The following COPE variants were observed in gnomAD, a reference collection of about 807,000 sequenced individuals.
The protein encoded by COPE is coat protein complex I subunit epsilon, also known as coatomer subunit epsilon.
A neutral mutation model predicts 42.1 loss-of-function variants in COPE; 19 were observed. That is an observed-to-expected ratio of 0.45 (90% CI 0.31 to 0.66). The LOEUF (loss-of-function observed/expected upper bound fraction) is 0.66, where lower values mean the gene tolerates loss of function less well. COPE is among the 30% of genes least tolerant of loss of function. The pLI, the probability that COPE is intolerant of heterozygous loss-of-function variation, is 0.05. For synonymous variants in COPE, 195 were observed against 181.3 expected (o/e 1.08, Z -0.60); for missense variants, 402 against 416.1 (o/e 0.97, Z 0.30).
At chr19:18,911,207 C>A in intron 2 of COPE, 136 bp from the exon 3 acceptor site, 1 of 709,906 alleles carries the variant, frequency 1.4e-6, no homozygotes, top group South Asian at 1.6e-5. Flanking sequence ...GCCACCTCCA[C>A]TGCAGTACAC....
At chr19:18,902,646 CAG>C (rs2146099477) in intron 7 of COPE, among the ~76,000 whole-genome samples, 1 of 106,808 alleles carries the variant, frequency 9.4e-6, no homozygotes, top group African/African-American at 4.1e-5. Flanking sequence ...GCCTGGGTGA[CAG>C]AGTGAGACTC....
intron 1 of COPE, among the ~76,000 whole-genome samples, chr19:18,918,361 C>T (rs2056877615): frequency 6.6e-6 from 1 of 152,286 alleles, no homozygotes; most frequent in Non-Finnish European, 1.5e-5. Context: ...AAGAGTGTTA[C>T]TCTGACCCAA....
At position 18,906,952 on chromosome 19, in the gene COPE, C is replaced by A. The variant is rs753999843; in HGVS notation, c.443+8G>T. On this transcript the variant is annotated splice_region_variant and intron_variant, in intron 4 of 9. Coordinates refer to ENST00000262812, the MANE Select transcript of COPE (RefSeq NM_007263.4). ...CTGGGCTGGCCCCAGAGCAGGGAGG[C>A]CACTCACCACTCCAGGCTGTCCCCC... The A allele has an allele frequency of 1.0e-5, 16 of 1,552,096 alleles. No individual in the cohort carries two copies. The highest frequency in any genetic ancestry group is 1.4e-5 in the Non-Finnish European group (16 of 1,148,298).
intron 1 of COPE, among the ~76,000 whole-genome samples, chr19:18,916,977 T>G (rs2056859248): frequency 6.7e-6 from 1 of 149,510 alleles, no homozygotes; most frequent in South Asian, 2.1e-4. Context: ...AAAGTATTCC[T>G]TCACAGTCAC....
chr19:18,916,380 G>A (rs2056854057), intron 1 of COPE, among the ~76,000 whole-genome samples: 1 of 151,698 alleles, frequency 6.6e-6, no homozygotes, highest in African/African-American at 2.4e-5. Context: ...CTGGCCAGGC[G>A]TGGTGGCTCA....
Position 18,907,096 on chromosome 19 carries a change from C to T in COPE, c.307G>A (p.Glu103Lys), listed in dbSNP as rs760823251. Residue 103 changes from glutamate to lysine, a missense_variant, in exon 4 of 10, where the codon GAG becomes AAG. Physicochemically the swap from Glu to Lys is moderately conservative, Grantham distance 56. Coordinates refer to ENST00000262812, the MANE Select transcript of COPE (RefSeq NM_007263.4). ...HESRRDSIVA[E>K]LDREMSRSVD... ...CTCCTGCTCATCTCTCGGTCCAGCT[C>T]GGCCACGATGCTGTCCCTGCAAGAC... 6.2e-6 allele frequency: 10 copies of T among 1,612,018 alleles called. No individual in the cohort carries two copies. The highest frequency in any genetic ancestry group is 1.1e-5 in the South Asian group (1 of 90,890).
At chr19:18,912,469 A>G (rs1219146050) in intron 2 of COPE, among the ~76,000 whole-genome samples, 1 of 151,998 alleles carries the variant, frequency 6.6e-6, no homozygotes, top group Non-Finnish European at 1.5e-5. Flanking sequence ...AGGAAAAAAA[A>G]AAAAATCGGC....
chr19:18,900,396 C>G lies in COPE; in HGVS notation c.789G>C (p.Leu263=). The change falls in exon 8 of 10, where the codon CTG becomes CTC. Residue 263 remains leucine (L), a synonymous_variant. Transcript: ENST00000262812. ...GGCCGCTTACCTCAGGGGGCTTGCCCAGGTGCTGGGACAGGACGATGAGGT... is the reference window on the plus strand; with the variant it reads ...GGCCGCTTACCTCAGGGGGCTTGCCGAGGTGCTGGGACAGGACGATGAGGT... ...LVNLIVLSQH[L]GKPPEVTNRY... is the part of the protein sequence containing the mutation. 6.5e-7 allele frequency: 1 copy of G among 1,548,910 alleles called. No homozygotes were observed. The highest frequency in any genetic ancestry group is 1.2e-5 in the South Asian group (1 of 83,908).
chr19:18,910,384 G>A (rs921952833), intron 3 of COPE, among the ~76,000 whole-genome samples: 6 of 152,186 alleles, frequency 3.9e-5, no homozygotes, highest in Admixed American at 2.0e-4. Flanking sequence ...TCAGGAGTTC[G>A]AGACCACCCT....
chr19:18,916,518 G>A (rs1296191657), intron 1 of COPE, among the ~76,000 whole-genome samples: 1 of 152,098 alleles, frequency 6.6e-6, no homozygotes, highest in Non-Finnish European at 1.5e-5. Context: ...GGCCAGGAAC[G>A]GTAACTCATG....
intron 5 of COPE, among the ~76,000 whole-genome samples, 161 bp from the exon 6 acceptor site, chr19:18,905,013 G>T (rs1451491256): frequency 1.3e-5 from 2 of 152,212 alleles, no homozygotes; most frequent in Admixed American, 6.5e-5. Context: ...GAGCCACCCT[G>T]CCCGTCTGAC....
intron 1 of COPE, among the ~76,000 whole-genome samples, chr19:18,913,663 C>G (rs1423211337): frequency 2.6e-5 from 4 of 152,220 alleles, no homozygotes; most frequent in Admixed American, 2.6e-4. Flanking sequence ...TGGCTGACTT[C>G]CCAGGGTGCC....
At chr19:18,914,223 T>C (rs2056834860) in intron 1 of COPE, among the ~76,000 whole-genome samples, 1 of 152,160 alleles carries the variant, frequency 6.6e-6, no homozygotes, top group Non-Finnish European at 1.5e-5. Context: ...AGGTGAAATA[T>C]GTACCTTTTC....
At chr19:18,901,917 A>AC (rs1169446374) in intron 7 of COPE, among the ~76,000 whole-genome samples, 1 of 152,228 alleles carries the variant, frequency 6.6e-6, no homozygotes, top group East Asian at 1.9e-4. Context: ...ACAGTGGCTC[A>AC]CGCCTGTAAT....
At position 18,900,420 on chromosome 19, in the gene COPE, G is replaced by C; in HGVS notation, c.765C>G (p.Asn255Lys). 6.5e-7 allele frequency: 1 copy of C among 1,549,318 alleles called. No homozygotes were observed. The highest frequency in any genetic ancestry group is 8.7e-7 in the Non-Finnish European group (1 of 1,146,098). The change falls in exon 8 of 10, where the codon AAC (asparagine) becomes AAG (lysine). Residue 255 changes from asparagine (N) to lysine (K), a missense_variant. Asn to Lys is a moderately conservative substitution (Grantham distance 94). Coordinates refer to ENST00000262812, the MANE Select transcript of COPE (RefSeq NM_007263.4). ...KDSGYPETLV[N>K]LIVLSQHLGK... Reference sequence around the variant, plus strand: ...CCAGGTGCTGGGACAGGACGATGAGGTTGACCAGCGTCTCTGGGTAGCCAC... The same window carrying C: ...CCAGGTGCTGGGACAGGACGATGAGCTTGACCAGCGTCTCTGGGTAGCCAC...
In COPE at chr19:18,909,934, T is replaced by C. The variant is rs73923182; in HGVS notation, c.290+1037A>G. ...AAGACCCTTTTTCCAAATGATATCA[T>C]ATTCACAAGCATGTGGGATAGGATA... On this transcript the variant is annotated intron_variant, in intron 3 of 9. Transcript: ENST00000262812. Among the ~76,000 whole-genome samples, 908 of 152,272 alleles carry C rather than the reference T, an allele frequency of 6.0e-3. 10 individuals carry two copies. The highest frequency in any genetic ancestry group is 0.02 in the African/African-American group (841 of 41,560).
At chr19:18,899,995 G>C (rs369094215) in intron 8 of COPE, 48 bp from the exon 9 acceptor site, 1 of 1,556,740 alleles carries the variant, frequency 6.4e-7, no homozygotes, top group African/African-American at 1.4e-5. Flanking sequence ...GGGACCCCAC[G>C]GTGGCTCTGA....
intron 1 of COPE, among the ~76,000 whole-genome samples, chr19:18,913,977 G>A (rs1017288609): frequency 6.6e-6 from 1 of 152,110 alleles, no homozygotes; most frequent in African/African-American, 2.4e-5. Flanking sequence ...AGGGAGGAGC[G>A]TGGATGTCAA....
chr19:18,903,365 G>A lies in COPE; in HGVS notation c.638C>T (p.Ser213Leu), dbSNP rs774573173. ...CCCATTGAGCAGCAGCAGGGTGGGCGAGCACTTGTCAGCCATCTCCTGGAA... is the reference window on the plus strand; with the variant it reads ...CCCATTGAGCAGCAGCAGGGTGGGCAAGCACTTGTCAGCCATCTCCTGGAA... ...YIFQEMADKC[S>L]PTLLLLNGQA... Residue 213 changes from serine (S) to leucine (L), a missense_variant, in exon 7 of 10, where the codon TCG becomes TTG. Transcript: ENST00000262812. The A allele has an allele frequency of 3.2e-5, 52 of 1,612,990 alleles. No individual in the cohort carries two copies. The Middle Eastern group carries it at 4.9e-4, about 15-fold the overall frequency.
Sources: gnomAD v4.1 joint callset for allele counts (sites outside exome capture counted in the v4.1 genomes callset) on GRCh38, gnomAD v4.1.1 for gene constraint, MANE v1.5 for transcripts, NCBI Gene and HGNC (gene_info 2026-07-23, HGNC 2026-07-21) for gene names.